RAB1A: variants seen among roughly 807,000 people sequenced by gnomAD.
The protein encoded by RAB1A is ras-related protein Rab-1A.
A neutral mutation model predicts 26.0 loss-of-function variants in RAB1A; 2 were observed. The ratio of observed to expected loss-of-function variants is 0.08; its 90% CI spans 0.03 to 0.24. RAB1A has a LOEUF of 0.24. RAB1A is among the 10% of genes least tolerant of loss of function. RAB1A has a pLI of 1.00. For synonymous variants in RAB1A, 84 were observed against 84.9 expected, an observed-to-expected ratio of 0.99 and a Z score of 0.06; for missense variants, 100 against 247.0, an observed-to-expected ratio of 0.40 and a Z score of 3.99.
At chr2:65,108,368 A>AAAAAAAG (rs72072943) in intron 1 of RAB1A, among the ~76,000 whole-genome samples, 7 of 144,082 alleles carry the variant, frequency 4.9e-5, no homozygotes, top group East Asian at 4.0e-4. Context: ...AAAAAAAAAA[A>AAAAAAAG]AAAGAAAGAA....
chr2:65,129,884 T>C lies in RAB1A; in HGVS notation c.23+9A>G, dbSNP rs752587225. 2 of 1,595,462 alleles carry C rather than the reference T, an allele frequency of 1.3e-6. No individual in the cohort carries two copies. The highest frequency in any genetic ancestry group is 1.1e-5 in the South Asian group (1 of 87,900). On this transcript the variant is annotated intron_variant, in intron 1 of 5. Coordinates refer to ENST00000409784, the MANE Select transcript of RAB1A (RefSeq NM_004161.5). ...CGGACCCAGCCGACCGGTGCTCTCC[T>C]GAACTCACTATTCGGGATTCATGCT...
chr2:65,116,901 A>G (rs565798227), intron 1 of RAB1A, among the ~76,000 whole-genome samples: 1 of 152,354 alleles, frequency 6.6e-6, no homozygotes, highest in South Asian at 2.1e-4. Context: ...CTTTTCATAG[A>G]AAGACATCCA....
At chr2:65,111,317 A>G (rs565855921) in intron 1 of RAB1A, among the ~76,000 whole-genome samples, 1 of 151,830 alleles carries the variant, frequency 6.6e-6, no homozygotes, top group African/African-American at 2.4e-5. Flanking sequence ...AGCCAAGATC[A>G]TGCCATTGCA....
rs76051809 is a variant in RAB1A at position 65,089,590 on chromosome 2, C to T, written c.289-520G>A. Among the ~76,000 whole-genome samples, 469 of 152,202 alleles carry T rather than the reference C, an allele frequency of 3.1e-3. 2 individuals carry two copies. Among genetic ancestry groups the T allele is most frequent in the African/African-American group, 0.011 (448 of 41,524 alleles). ...TTTACAGGCTTAACGATGAAAATACCTTATTTGAAAGGGAAGTATAGCTTA... is the reference window on the plus strand; with the variant it reads ...TTTACAGGCTTAACGATGAAAATACTTTATTTGAAAGGGAAGTATAGCTTA... On this transcript the variant is annotated intron_variant, in intron 4 of 5. Coordinates refer to ENST00000409784, the MANE Select transcript of RAB1A (RefSeq NM_004161.5).
At chr2:65,089,701 A>C (rs1362984909) in intron 4 of RAB1A, among the ~76,000 whole-genome samples, 1 of 62,670 alleles carries the variant, frequency 1.6e-5, no homozygotes, top group Admixed American at 2.3e-4. Flanking sequence ...AAATTTGATT[A>C]ATTTTTTTTT....
At chr2:65,095,516 CTTTTT>C (rs35819441) in intron 3 of RAB1A, among the ~76,000 whole-genome samples, 4 of 125,962 alleles carry the variant, frequency 3.2e-5, no homozygotes, top group Non-Finnish European at 4.9e-5. Context: ...CACCTGGTTA[CTTTTT>C]TTTTTTTTTT....
chr2:65,117,119 G>A (rs1669844151), intron 1 of RAB1A, among the ~76,000 whole-genome samples: 1 of 146,048 alleles, frequency 6.8e-6, no homozygotes, highest in Non-Finnish European at 1.5e-5. Flanking sequence ...AGGCTGAAGT[G>A]CAGTGGTGCA....
chr2:65,114,114 C>A, intron 1 of RAB1A: 1 of 466,252 alleles, frequency 2.1e-6, no homozygotes, highest in South Asian at 1.6e-5. Flanking sequence ...CCCAATACAG[C>A]CACAAGTATA....
chr2:65,122,194 G>A (rs1344980765), intron 1 of RAB1A, among the ~76,000 whole-genome samples: 2 of 137,696 alleles, frequency 1.5e-5, no homozygotes, highest in African/African-American at 5.5e-5. Flanking sequence ...AAGCTGGTAA[G>A]CTACACATTT....
At chr2:65,115,811 T>C (rs17753309) in intron 1 of RAB1A, among the ~76,000 whole-genome samples, 7,119 of 152,218 alleles carry the variant, frequency 0.047, 174 homozygotes, top group Middle Eastern at 0.075. Flanking sequence ...TTAGAGACAA[T>C]AGATTAATTT....
chr2:65,089,210 A>T, intron 4 of RAB1A, 140 bp from the exon 5 acceptor site: 1 of 823,378 alleles, frequency 1.2e-6, no homozygotes, highest in Non-Finnish European at 1.8e-6. Context: ...ACTGCTAAGG[A>T]GTGAAGAGAT....
At chr2:65,098,148 T>C (rs1669334151) in intron 2 of RAB1A, 82 bp from the exon 3 acceptor site, 3 of 762,724 alleles carry the variant, frequency 3.9e-6, no homozygotes, top group Admixed American at 3.7e-5. Flanking sequence ...AAAACTGTTG[T>C]TCAAGAGTAA....
chr2:65,097,043 C>T (rs760704624), intron 3 of RAB1A, among the ~76,000 whole-genome samples: 1 of 150,780 alleles, frequency 6.6e-6, no homozygotes, highest in Non-Finnish European at 1.5e-5. Context: ...ACCCATGATT[C>T]TCTAACAGGT....
chr2:65,097,720 G>C (rs903924640), intron 3 of RAB1A, among the ~76,000 whole-genome samples: 3 of 152,146 alleles, frequency 2.0e-5, no homozygotes, highest in African/African-American at 7.2e-5. Flanking sequence ...AAAAGAAAAA[G>C]ATGAGGACCA....
At chr2:65,089,797 G>A (rs1360300840) in intron 4 of RAB1A, among the ~76,000 whole-genome samples, 1 of 150,456 alleles carries the variant, frequency 6.6e-6, no homozygotes, top group African/African-American at 2.5e-5. Flanking sequence ...CTGCCCGCTG[G>A]GTTCAAGCGA....
chr2:65,114,945 A>G (rs1312320434), intron 1 of RAB1A, among the ~76,000 whole-genome samples: 2 of 152,170 alleles, frequency 1.3e-5, no homozygotes, highest in African/African-American at 2.4e-5. Context: ...GAATGGATTA[A>G]TGCATTCTCT....
rs1553392769 is a variant in RAB1A, at chr2:65,103,304, A to AAAAAAACAAAAAAAAAC, written c.96+1429_96+1430insGTTTTTTTTTGTTTTTT. Among the ~76,000 whole-genome samples, 19 of 112,534 alleles carry AAAAAAACAAAAAAAAAC rather than the reference A, an allele frequency of 1.7e-4. 3 individuals are homozygous for AAAAAAACAAAAAAAAAC. Among genetic ancestry groups the AAAAAAACAAAAAAAAAC allele is most frequent in the East Asian group, 8.3e-4 (3 of 3,602 alleles). The allele number at this position is 112,534 out of a possible 152,430, so 73.8% of individuals were successfully genotyped here. A position where few individuals can be genotyped will look rare whatever the true frequency, so the allele number is the denominator to read the frequency against. On this transcript the variant is annotated intron_variant, in intron 2 of 5. Transcript: ENST00000409784. Reference sequence around the variant, plus strand: ...AACACAGCCAGAATCTGTCTCAAAAAAAAAAAAAAACATTGTTTTATGTGA... The same window carrying AAAAAAACAAAAAAAAAC: ...AACACAGCCAGAATCTGTCTCAAAAAAAAAAACAAAAAAAAACAAAAAAAAAACATTGTTTTATGTGA...
At chr2:65,129,206 A>C (rs1670176734) in intron 1 of RAB1A, among the ~76,000 whole-genome samples, 2 of 151,752 alleles carry the variant, frequency 1.3e-5, no homozygotes, top group South Asian at 2.1e-4. Context: ...TTTAAAAAAA[A>C]AAAAAACAAA....
intron 1 of RAB1A, among the ~76,000 whole-genome samples, chr2:65,111,483 G>A (rs757544190): frequency 1.3e-5 from 2 of 152,042 alleles, no homozygotes; most frequent in Non-Finnish European, 2.9e-5. Flanking sequence ...GAAAGACTGA[G>A]AAACTGTCAC....
Sources: gnomAD v4.1 joint callset for allele counts (sites outside exome capture counted in the v4.1 genomes callset) on GRCh38, gnomAD v4.1.1 for gene constraint, MANE v1.5 for transcripts, NCBI Gene and HGNC (gene_info 2026-07-23, HGNC 2026-07-21) for gene names.